PIK3C2G: variants seen among roughly 807,000 people sequenced by gnomAD.
The protein encoded by PIK3C2G is phosphatidylinositol 3-kinase C2 domain-containing subunit gamma.
Under a neutral mutation model 181.1 loss-of-function variants are expected in PIK3C2G, and 168 were observed. That is an observed-to-expected ratio of 0.93 (90% confidence interval 0.82 to 1.05). The LOEUF (loss-of-function observed/expected upper bound fraction) is 1.05. Ranked by LOEUF, PIK3C2G falls within the 50% of genes least tolerant of loss-of-function variation. PIK3C2G has a pLI of 0.00. For missense variants in PIK3C2G, 1,869 were observed against 1,732.8 expected (o/e 1.08, Z -1.40); for synonymous variants, 573 against 592.2 (o/e 0.97, Z 0.47).
At chr12:18,248,223 T>C (rs1466641346) in intron 1 of PIK3C2G, 1 of 152,204 alleles carries the variant, frequency 6.6e-6, no homozygotes, top group Non-Finnish European at 1.5e-5. Context: ...TCTCTTCTCC[T>C]TAAACCAATT....
chr12:18,695,141 A>G, the PIK3C2G span: 1 of 1,479,408 alleles, frequency 6.8e-7, no homozygotes, highest in Non-Finnish European at 9.4e-7. Context: ...AGGAACACAA[A>G]CCACTTACTG....
intron 29 of PIK3C2G, among the ~76,000 whole-genome samples, chr12:18,582,283 T>C (rs768012651): frequency 1.1e-4 from 17 of 151,602 alleles, no homozygotes; most frequent in Non-Finnish European, 2.4e-4. Flanking sequence ...CACTCAGAAG[T>C]AACACAGAAA....
At chr12:18,485,153 C>T (rs920339106) in intron 18 of PIK3C2G, among the ~76,000 whole-genome samples, 1 of 152,200 alleles carries the variant, frequency 6.6e-6, no homozygotes, top group Middle Eastern at 3.4e-3. Context: ...ACTAAAATTA[C>T]GGCCTGGATT....
At chr12:18,490,465 T>C (rs1189844014) in intron 19 of PIK3C2G, among the ~76,000 whole-genome samples, 1 of 152,190 alleles carries the variant, frequency 6.6e-6, no homozygotes, top group Non-Finnish European at 1.5e-5. Context: ...ATAGTAAGTC[T>C]TTCTAATTTA....
At chr12:18,548,130 G>C (rs1050530371) in intron 26 of PIK3C2G, among the ~76,000 whole-genome samples, 3 of 151,838 alleles carry the variant, frequency 2.0e-5, no homozygotes, top group African/African-American at 7.3e-5. Flanking sequence ...GCCCCCTGAG[G>C]GTATCCCTTC....
At chr12:18,322,364 AGAGT>A (rs1351052954) in intron 7 of PIK3C2G, among the ~76,000 whole-genome samples, 1 of 151,118 alleles carries the variant, frequency 6.6e-6, no homozygotes, top group East Asian at 1.9e-4. Context: ...CTTGGGTAAC[AGAGT>A]GAGACCTCAT....
chr12:18,555,260 C>T (rs1203837995), intron 26 of PIK3C2G, among the ~76,000 whole-genome samples: 2 of 152,134 alleles, frequency 1.3e-5, no homozygotes, highest in Non-Finnish European at 2.9e-5. Context: ...CCAATGGCAT[C>T]GTAGTCATCT....
intron 10 of PIK3C2G, among the ~76,000 whole-genome samples, chr12:18,343,857 G>A (rs1939388905): frequency 6.6e-6 from 1 of 152,068 alleles, no homozygotes; most frequent in South Asian, 2.1e-4. Flanking sequence ...GAGGCTTCGA[G>A]TCTATAAAAT....
intron 31 of PIK3C2G, among the ~76,000 whole-genome samples, chr12:18,617,246 T>C (rs2136643728): frequency 6.6e-6 from 1 of 152,242 alleles, no homozygotes; most frequent in East Asian, 1.9e-4. Flanking sequence ...TCAATAAAAG[T>C]GTCACCTATC....
intron 30 of PIK3C2G, 116 bp downstream of exon 30, chr12:18,594,685 T>C: frequency 2.0e-6 from 1 of 507,080 alleles, no homozygotes; most frequent in South Asian, 4.0e-5. Context: ...AGAGTAAGAC[T>C]TTAATACTCT....
intron 18 of PIK3C2G, among the ~76,000 whole-genome samples, chr12:18,427,121 A>G (rs1002528972): frequency 5.9e-5 from 9 of 152,172 alleles, no homozygotes; most frequent in African/African-American, 2.2e-4. Context: ...TAAAATGCAC[A>G]CATATTAAAA....
intron 18 of PIK3C2G, among the ~76,000 whole-genome samples, chr12:18,437,095 G>A (rs1946491198): frequency 6.6e-6 from 1 of 151,744 alleles, no homozygotes; most frequent in African/African-American, 2.4e-5. Flanking sequence ...GTTTCCCAGG[G>A]CTGTGAAGAC....
Position 18,546,320 on chromosome 12 carries a change from A to G in PIK3C2G, c.3481-3A>G. ...TGCTTTGCTTGTTCTTGTTGTGGTT[A>G]AGATGCTGTATGCAGGACTGCCTGA... On this transcript the variant is annotated splice_region_variant and splice_polypyrimidine_tract_variant and intron_variant, in intron 25 of 32. Transcript: ENST00000538779. 1 of 1,511,938 alleles carries G rather than the reference A, an allele frequency of 6.6e-7. No homozygotes were observed. Among genetic ancestry groups the G allele is most frequent in the Non-Finnish European group, 9.1e-7 (1 of 1,095,692 alleles). 93.7% of individuals were successfully genotyped at this position (1,511,938 alleles called of 1,614,324 possible). A position where few individuals can be genotyped will look rare whatever the true frequency, so the allele number is the denominator to read the frequency against.
At chr12:18,291,596 A>G (rs1949693332) in intron 4 of PIK3C2G, among the ~76,000 whole-genome samples, 2 of 152,166 alleles carry the variant, frequency 1.3e-5, no homozygotes, top group Admixed American at 1.3e-4. Flanking sequence ...GTTATTTAGT[A>G]TCTTACTTCA....
chr12:18,513,489 T>A (rs1942341451), intron 24 of PIK3C2G, among the ~76,000 whole-genome samples: 1 of 151,826 alleles, frequency 6.6e-6, no homozygotes, highest in Admixed American at 6.6e-5. Context: ...ATTGGGCTAT[T>A]CAGATTTTCT....
chr12:18,551,587 A>C (rs1041023823), intron 26 of PIK3C2G, among the ~76,000 whole-genome samples: 4 of 152,108 alleles, frequency 2.6e-5, no homozygotes, highest in Admixed American at 6.6e-5. Flanking sequence ...CGTCAGCTAA[A>C]ACTGAAGCCA....
chr12:18,245,914 A>C (rs1260555899), upstream of PIK3C2G, among the ~76,000 whole-genome samples: 1 of 152,152 alleles, frequency 6.6e-6, no homozygotes, highest in Non-Finnish European at 1.5e-5. Context: ...TACCATTGCC[A>C]CTAGTCGAAT....
At chr12:18,681,232 A>G in the PIK3C2G span, among the ~76,000 whole-genome samples, 1 of 152,174 alleles carries the variant, frequency 6.6e-6, no homozygotes, top group East Asian at 1.9e-4. Context: ...TGTCATTATC[A>G]GTTGTAAAGA....
At chr12:18,694,167 G>A in the PIK3C2G span, 3 of 698,748 alleles carry the variant, frequency 4.3e-6, no homozygotes, top group Non-Finnish European at 7.4e-6. Context: ...TGAGGCTGGG[G>A]GAGTTGCCCA....
Sources: gnomAD v4.1 joint callset for allele counts (sites outside exome capture counted in the v4.1 genomes callset) on GRCh38, gnomAD v4.1.1 for gene constraint, MANE v1.5 for transcripts, NCBI Gene and HGNC (gene_info 2026-07-23, HGNC 2026-07-21) for gene names.